The following TMEM170A variants were observed in gnomAD, a reference collection of about 807,000 sequenced individuals.
TMEM170A encodes transmembrane protein 170.
A neutral mutation model predicts 12.8 loss-of-function variants in TMEM170A; 18 were observed. The observed-to-expected ratio is 1.41, with a 90% CI of 0.97 to 2.09. The LOEUF (loss-of-function observed/expected upper bound fraction) is 2.09, where lower values mean the gene tolerates loss of function less well. Among genes scored for constraint, TMEM170A ranks in the 30% most tolerant of loss-of-function variants. The pLI, the probability that TMEM170A is intolerant of heterozygous loss-of-function variation, is 0.00. For synonymous variants in TMEM170A, 107 were observed against 76.2 expected (o/e 1.40, Z -2.11); for missense variants, 220 against 179.9 (o/e 1.22, Z -1.28).
Position 75,444,054 on chromosome 16 carries a change from C to T in TMEM170A, c.*3504G>A, listed in dbSNP as rs1483760155. The T allele has an allele frequency of 2.0e-5, 3 of 151,652 alleles. No homozygotes were observed. Among genetic ancestry groups the T allele is most frequent in the Admixed American group, 6.6e-5 (1 of 15,222 alleles). 9.4% of individuals were successfully genotyped at this position (151,652 alleles called of 1,614,324 possible). ...AGTGAGCTGAGACCATGCCACTGCACTCCAGCCTTGGAGACAGAGCAAGAC... is the reference window on the plus strand; with the variant it reads ...AGTGAGCTGAGACCATGCCACTGCATTCCAGCCTTGGAGACAGAGCAAGAC... On this transcript the variant is annotated 3_prime_UTR_variant, in exon 3 of 3. Transcript: ENST00000561878.
chr16:75,451,196 G>A (rs977513386), intron 2 of TMEM170A, among the ~76,000 whole-genome samples: 3 of 151,698 alleles, frequency 2.0e-5, no homozygotes, highest in African/African-American at 7.3e-5. Context: ...TCTGACTCAA[G>A]AAGTCAAAGA....
At chr16:75,451,532 A>G (rs997120334) in intron 2 of TMEM170A, 137 bp downstream of exon 2, 1 of 885,058 alleles carries the variant, frequency 1.1e-6, no homozygotes, top group African/African-American at 1.7e-5. Flanking sequence ...CCTTGGTGAC[A>G]TAGGGAGACC....
rs982991945 is a variant in TMEM170A, at chr16:75,446,679, A to G, written c.*879T>C. 1.3e-5 allele frequency: 2 copies of G among 152,228 alleles called. No individual in the cohort carries two copies. Among genetic ancestry groups the G allele is most frequent in the Non-Finnish European group, 2.9e-5 (2 of 68,038 alleles). 9.4% of individuals were successfully genotyped at this position (152,228 alleles called of 1,614,324 possible). A position where few individuals can be genotyped will look rare whatever the true frequency, so the allele number is the denominator to read the frequency against. ...TATACCAAAGTCACTAAGAAAAACTATGACAGAATGCCTAAAGTATCTTAT... is the reference window on the plus strand; with the variant it reads ...TATACCAAAGTCACTAAGAAAAACTGTGACAGAATGCCTAAAGTATCTTAT... On this transcript the variant is annotated 3_prime_UTR_variant, in exon 3 of 3. Transcript: ENST00000561878.
At position 75,455,483 on chromosome 16, in the gene TMEM170A, A is replaced by C. The variant is rs78682577; in HGVS notation, c.134-3644T>G. Among the ~76,000 whole-genome samples the C allele has an allele frequency of 4.6e-5, 7 of 152,324 alleles. No individual in the cohort carries two copies. The East Asian group carries it at 1.2e-3, about 25-fold the overall frequency. ...TCCTGTTTTTGAGAAAACAAACACA[A>C]TAAACACTCATGTGGAAATGCTTCT... On this transcript the variant is annotated intron_variant, in intron 1 of 2. Coordinates refer to ENST00000561878, the MANE Select transcript of TMEM170A (RefSeq NM_145254.3).
chr16:75,459,662 G>A (rs2079867170), intron 1 of TMEM170A, among the ~76,000 whole-genome samples: 1 of 152,042 alleles, frequency 6.6e-6, no homozygotes, highest in Admixed American at 6.6e-5. Flanking sequence ...TTCAAGACCA[G>A]CCTGGCCAAC....
chr16:75,457,236 C>A (rs1398037138), intron 1 of TMEM170A, among the ~76,000 whole-genome samples: 2 of 152,352 alleles, frequency 1.3e-5, no homozygotes. Context: ...CCAGCTGCCA[C>A]AGAACCACTG....
chr16:75,448,792 T>C (rs1597435206), intron 2 of TMEM170A, among the ~76,000 whole-genome samples: 1 of 148,794 alleles, frequency 6.7e-6, no homozygotes, highest in African/African-American at 2.5e-5. Context: ...CCAAGTACAG[T>C]GGCTCAAGCC....
chr16:75,451,343 A>C (rs1416844132), intron 2 of TMEM170A: 1 of 418,484 alleles, frequency 2.4e-6, no homozygotes, highest in African/African-American at 2.0e-5. Flanking sequence ...TGAGCTCAGG[A>C]GTTCGAGACC....
chr16:75,447,617 T>C lies in TMEM170A; in HGVS notation c.376A>G (p.Thr126Ala). Residue 126 changes from threonine to alanine, a missense_variant, in exon 3 of 3, where the codon ACT (threonine) becomes GCT (alanine). Thr to Ala is a moderately conservative substitution (Grantham distance 58). Transcript: ENST00000561878. ...MIPFEALTLGTGQTFCVLVVS... is the reference protein window; with the variant it reads ...MIPFEALTLGAGQTFCVLVVS... ...ACCAAGACGCAAAATGTCTGTCCAG[T>C]GCCCAGTGTGAGGGCTTCAAATGGT... is the stretch of plus-strand genomic sequence containing the variant. 1 of 1,612,746 alleles carries C rather than the reference T, an allele frequency of 6.2e-7. No individual in the cohort carries two copies. The highest frequency in any genetic ancestry group is 8.5e-7 in the Non-Finnish European group (1 of 1,179,538).
Position 75,447,535 on chromosome 16 carries a change from A to G in TMEM170A, c.*23T>C, listed in dbSNP as rs1168111581. On this transcript the variant is annotated 3_prime_UTR_variant, in exon 3 of 3. Transcript: ENST00000561878. Reference sequence around the variant, plus strand: ...GAGGATTCCATAAAGTTTAAGTTCAACATCTCAGCATAAGGATGTATGCTA... The same window carrying G: ...GAGGATTCCATAAAGTTTAAGTTCAGCATCTCAGCATAAGGATGTATGCTA... The G allele has an allele frequency of 6.3e-6, 10 of 1,587,214 alleles. No individual in the cohort carries two copies. In the African/African-American group the frequency reaches 6.8e-5, roughly 11 times the overall value.
chr16:75,449,330 A>AAT, intron 2 of TMEM170A, among the ~76,000 whole-genome samples: 1 of 67,268 alleles, frequency 1.5e-5, no homozygotes, highest in Non-Finnish European at 3.6e-5. Flanking sequence ...TCACGTTTAC[A>AAT]ATTTTTTTTT....
Position 75,452,899 on chromosome 16 carries a change from T to C in TMEM170A, c.134-1060A>G, listed in dbSNP as rs542382037. Among the ~76,000 whole-genome samples the C allele has an allele frequency of 4.6e-5, 7 of 152,336 alleles. No individual in the cohort carries two copies. In the South Asian group the frequency reaches 1.2e-3, roughly 27 times the overall value. ...ATACTTTTATACATACACACTTATC[T>C]GAAACCATTTACAAGAGTTTTGCAC... On this transcript the variant is annotated intron_variant, in intron 1 of 2. Coordinates refer to ENST00000561878, the MANE Select transcript of TMEM170A (RefSeq NM_145254.3).
intron 2 of TMEM170A, among the ~76,000 whole-genome samples, chr16:75,448,656 C>G (rs529227809): frequency 7.3e-4 from 110 of 151,708 alleles, no homozygotes; most frequent in African/African-American, 2.3e-3. Flanking sequence ...CCCTACTACT[C>G]GGGAGGCTGA....
rs2079548474 is a variant in TMEM170A, at chr16:75,444,342, G to A, written c.*3216C>T. The A allele has an allele frequency of 6.6e-6, 1 of 151,914 alleles. No homozygotes were observed. Among genetic ancestry groups the A allele is most frequent in the African/African-American group, 2.4e-5 (1 of 41,312 alleles). The allele number at this position is 151,914 out of a possible 1,614,324, so 9.4% of individuals were successfully genotyped here. On this transcript the variant is annotated 3_prime_UTR_variant, in exon 3 of 3. Coordinates refer to ENST00000561878, the MANE Select transcript of TMEM170A (RefSeq NM_145254.3). ...ATGGTGGTGGACGTCCGTAGTCCCA[G>A]CTACTCGGGAGGCTGAGGCAGGAGA...
chr16:75,464,327 C>T, intron 1 of TMEM170A, 141 bp downstream of exon 1: 17 of 1,419,064 alleles, frequency 1.2e-5, no homozygotes, highest in Non-Finnish European at 1.5e-5. Flanking sequence ...TCCGGGCGAG[C>T]AGCACGGCCC....
chr16:75,448,661 G>C (rs549143139), intron 2 of TMEM170A, among the ~76,000 whole-genome samples: 4 of 152,066 alleles, frequency 2.6e-5, no homozygotes, highest in African/African-American at 9.7e-5. Context: ...CTACTCGGGA[G>C]GCTGAGGCAG....
intron 2 of TMEM170A, among the ~76,000 whole-genome samples, chr16:75,449,854 G>A (rs1359313792): frequency 6.6e-6 from 1 of 152,146 alleles, no homozygotes; most frequent in Non-Finnish European, 1.5e-5. Flanking sequence ...CTTGAACTGG[G>A]CCCTAAAGTG....
At chr16:75,456,989 T>C (rs541244119) in intron 1 of TMEM170A, among the ~76,000 whole-genome samples, 26 of 152,194 alleles carry the variant, frequency 1.7e-4, no homozygotes, top group Non-Finnish European at 3.2e-4. Context: ...CAACACCTAG[T>C]CTACAGAAAA....
At chr16:75,454,500 T>C (rs894805554) in intron 1 of TMEM170A, among the ~76,000 whole-genome samples, 1 of 151,500 alleles carries the variant, frequency 6.6e-6, no homozygotes, top group African/African-American at 2.4e-5. Context: ...CCGGGCATGG[T>C]GGCAGGCACC....
Sources: allele counts gnomAD v4.1 joint callset (sites outside exome capture counted in the v4.1 genomes callset), GRCh38; gene constraint gnomAD v4.1.1; transcripts MANE v1.5; gene names NCBI Gene and HGNC (gene_info 2026-07-23, HGNC 2026-07-21).